Variants in MTAP observed in about 807,000 individuals in gnomAD.
MTAP encodes the protein methylthioadenosine phosphorylase.
Under a neutral mutation model 33.6 loss-of-function variants are expected in MTAP, and 33 were observed. The observed-to-expected ratio is 0.98, with a 90% CI of 0.74 to 1.31. The LOEUF (loss-of-function observed/expected upper bound fraction) is 1.31. Among genes scored for constraint, MTAP ranks in the 40% most tolerant of loss-of-function variants. MTAP has a pLI of 0.00. For synonymous variants in MTAP, 148 were observed against 125.7 expected, an observed-to-expected ratio of 1.18 and a Z score of -1.19; for missense variants, 367 against 360.0, an observed-to-expected ratio of 1.02 and a Z score of -0.16.
rs10117733 is a variant in MTAP at position 21,882,044 on chromosome 9, A to G, written c.147+27174A>G. 9.6e-3 allele frequency among the ~76,000 whole-genome samples: 1,461 copies of G among 152,120 alleles called. 23 individuals are homozygous for G. The highest frequency in any genetic ancestry group is 0.032 in the African/African-American group (1,330 of 41,564). On this transcript the variant is annotated intron_variant, in intron 1 of 1. Coordinates refer to the MTAP transcript ENST00000577563. ...ATAAAACAAAATATTATTCAACCTT[A>G]AGAAGTATTTCCTTCATTTAGCAAC...
intron 1 of MTAP, among the ~76,000 whole-genome samples, chr9:21,926,312 G>A (rs964499674): frequency 2.0e-5 from 3 of 151,794 alleles, no homozygotes; most frequent in Non-Finnish European, 2.9e-5. Context: ...ACTATAACTC[G>A]CTATGTAACA....
At chr9:21,905,096 G>A (rs116775859) in intron 1 of MTAP, among the ~76,000 whole-genome samples, 2,804 of 152,282 alleles carry the variant, frequency 0.018, 92 homozygotes, top group African/African-American at 0.064. Flanking sequence ...CAGGCAGCTT[G>A]TGTTAATCAG....
At chr9:21,821,051 TAC>T (rs1474746796) in intron 4 of MTAP, among the ~76,000 whole-genome samples, 1 of 152,236 alleles carries the variant, frequency 6.6e-6, no homozygotes, top group African/African-American at 2.4e-5. Context: ...TTTCTAAATA[TAC>T]AGTCATGTCA....
At chr9:21,808,220 C>G (rs1824255438) in intron 1 of MTAP, among the ~76,000 whole-genome samples, 1 of 152,160 alleles carries the variant, frequency 6.6e-6, no homozygotes, top group Non-Finnish European at 1.5e-5. Context: ...ACATTTTTAA[C>G]AAGTTCTTCC....
At chr9:21,826,169 A>G (rs1181848903) in intron 4 of MTAP, among the ~76,000 whole-genome samples, 1 of 147,206 alleles carries the variant, frequency 6.8e-6, no homozygotes, top group East Asian at 2.0e-4. Context: ...CCTAATTCCT[A>G]GCTTCAAGAG....
intron 1 of MTAP, among the ~76,000 whole-genome samples, chr9:21,807,669 A>C (rs1240055115): frequency 6.6e-6 from 1 of 152,170 alleles, no homozygotes; most frequent in Non-Finnish European, 1.5e-5. Flanking sequence ...TAAATCCCAA[A>C]AAAGACTACC....
intron 1 of MTAP, among the ~76,000 whole-genome samples, chr9:21,915,273 A>C (rs1251274889): frequency 6.6e-6 from 1 of 151,234 alleles, no homozygotes; most frequent in Non-Finnish European, 1.5e-5. Flanking sequence ...TTGTATTTTT[A>C]GTAGAGATGG....
At chr9:21,927,497 T>G (rs1335149738) in intron 1 of MTAP, among the ~76,000 whole-genome samples, 1 of 152,224 alleles carries the variant, frequency 6.6e-6, no homozygotes, top group African/African-American at 2.4e-5. Context: ...GCCTCCTTAC[T>G]GCCACTACTA....
Position 21,916,408 on chromosome 9 carries a change from G to A in MTAP, c.148-14600G>A, listed in dbSNP as rs142951128. ...GTGGATCACTTGATGTCAGGAGTTC[G>A]AGACAGGCCTGGCCAATATGGTGAA... On this transcript the variant is annotated intron_variant, in intron 1 of 1. Transcript: ENST00000577563. Among the ~76,000 whole-genome samples, 496 of 152,182 alleles carry A rather than the reference G, an allele frequency of 3.3e-3. 1 individual carries two copies. Among genetic ancestry groups the A allele is most frequent in the African/African-American group, 0.011 (470 of 41,514 alleles).
intron 2 of MTAP, 117 bp downstream of exon 2, chr9:21,815,636 T>C (rs1824455821): frequency 2.6e-6 from 2 of 761,464 alleles, no homozygotes; most frequent in South Asian, 3.3e-5. Context: ...CCCAGGGCTG[T>C]CTGCTCCCAG....
intron 1 of MTAP, among the ~76,000 whole-genome samples, chr9:21,919,771 C>A (rs1818758196): frequency 6.6e-6 from 1 of 151,922 alleles, no homozygotes; most frequent in African/African-American, 2.4e-5. Context: ...TCAAAGAGCA[C>A]AAGTTAGTCA....
chr9:21,869,799 AC>A (rs1276872289), downstream of MTAP, among the ~76,000 whole-genome samples: 4 of 152,182 alleles, frequency 2.6e-5, no homozygotes, highest in Non-Finnish European at 4.4e-5. Flanking sequence ...TACTGTAATA[AC>A]CCCTAACAGG....
rs553508937 is a variant in MTAP at position 21,915,080 on chromosome 9, C to G, written c.148-15928C>G. ...CCTTTCTTTCTTTCTTTCTTTCTTT[C>G]TTTCCTTTCTTTCTTTTCTTTCGGC... On this transcript the variant is annotated intron_variant, in intron 1 of 1. Transcript: ENST00000577563. Among the ~76,000 whole-genome samples, 17 of 122,656 alleles carry G rather than the reference C, an allele frequency of 1.4e-4. No individual in the cohort carries two copies. The East Asian group carries it at 1.9e-3, about 14-fold the overall frequency. 80.5% of individuals were successfully genotyped at this position (122,656 alleles called of 152,430 possible). A position where few individuals can be genotyped will look rare whatever the true frequency, so the allele number is the denominator to read the frequency against.
intron 1 of MTAP, among the ~76,000 whole-genome samples, chr9:21,891,025 C>G (rs1011585834): frequency 6.6e-6 from 1 of 152,092 alleles, no homozygotes; most frequent in Non-Finnish European, 1.5e-5. Context: ...TTTGATGTTG[C>G]TGGTCTAGGA....
intron 6 of MTAP, among the ~76,000 whole-genome samples, chr9:21,855,143 G>C (rs959597541): frequency 9.2e-5 from 14 of 152,204 alleles, no homozygotes; most frequent in African/African-American, 3.4e-4. Context: ...TTATTTTCAG[G>C]ATAAAGGTGT....
chr9:21,905,576 A>C (rs1225617559), intron 1 of MTAP, among the ~76,000 whole-genome samples: 2 of 152,224 alleles, frequency 1.3e-5, no homozygotes, highest in Non-Finnish European at 2.9e-5. Context: ...GAGGTTAGAA[A>C]TGCTGGACAA....
chr9:21,902,916 A>G (rs1818415419), intron 1 of MTAP, among the ~76,000 whole-genome samples: 1 of 152,252 alleles, frequency 6.6e-6, no homozygotes, highest in South Asian at 2.1e-4. Context: ...TTACTTTAAA[A>G]TGAAACTATC....
intron 1 of MTAP, among the ~76,000 whole-genome samples, chr9:21,896,532 C>T (rs576177711): frequency 3.7e-4 from 56 of 152,018 alleles, no homozygotes; most frequent in Middle Eastern, 6.8e-3. Context: ...CAATTAGATG[C>T]AATAAAAAAT....
At chr9:21,853,916 A>G (rs980757059) in intron 5 of MTAP, among the ~76,000 whole-genome samples, 6 of 152,202 alleles carry the variant, frequency 3.9e-5, no homozygotes, top group Non-Finnish European at 8.8e-5. Flanking sequence ...CTAAGAAAAA[A>G]TGAAGGTAAT....
Sources: allele counts gnomAD v4.1 joint callset (sites outside exome capture counted in the v4.1 genomes callset), GRCh38; gene constraint gnomAD v4.1.1; transcripts MANE v1.5; gene names NCBI Gene and HGNC (gene_info 2026-07-23, HGNC 2026-07-21).